Variants in CHRAC1 observed in about 807,000 individuals in gnomAD.
CHRAC1 encodes the protein chromatin accessibility complex protein 1.
Under a neutral mutation model 9.1 loss-of-function variants are expected in CHRAC1, and 6 were observed. The observed-to-expected ratio is 0.66, with a 90% confidence interval of 0.36 to 1.29. The LOEUF (loss-of-function observed/expected upper bound fraction) is 1.29, where lower values mean the gene tolerates loss of function less well. CHRAC1 is among the 50% of genes most tolerant of loss of function. The pLI is 0.03. For missense variants in CHRAC1, 168 were observed against 163.5 expected, an observed-to-expected ratio of 1.03 and a Z score of -0.15; for synonymous variants, 73 against 64.5, an observed-to-expected ratio of 1.13 and a Z score of -0.63.
intron 1 of CHRAC1, chr8:140,512,160 C>A (rs945448690): frequency 8.5e-6 from 4 of 472,798 alleles, no homozygotes; most frequent in African/African-American, 6.2e-5. Flanking sequence ...CATTTGGGTT[C>A]TTTGGGGGCT....
At position 140,515,193 on chromosome 8, in the gene CHRAC1, A is replaced by C. The variant is rs144898774; in HGVS notation, c.342A>C (p.Glu114Asp). The change falls in exon 3 of 3, where the codon GAA becomes GAC. Residue 114 changes from glutamate to aspartate, a missense_variant. Glu to Asp is a conservative substitution (Grantham distance 45). Coordinates refer to ENST00000220913, the MANE Select transcript of CHRAC1 (RefSeq NM_017444.6). ...LKMLKEEKRE[E>D]DEENDNDNES... The stretch of plus-strand genomic sequence containing the variant: ...TGCTTAAAGAGGAAAAGAGGGAAGA[A>C]GATGAGGAGAATGACAATGATAATG... The C allele has an allele frequency of 4.6e-4, 748 of 1,613,802 alleles. No individual in the cohort carries two copies. Among genetic ancestry groups the C allele is most frequent in the Non-Finnish European group, 5.8e-4 (682 of 1,179,764 alleles).
intron 1 of CHRAC1, among the ~76,000 whole-genome samples, chr8:140,513,411 T>C (rs1241137381): frequency 1.3e-5 from 2 of 152,212 alleles, no homozygotes; most frequent in African/African-American, 4.8e-5. Context: ...ATAGAATTTT[T>C]GAATGGCTTT....
Position 140,511,365 on chromosome 8 carries a change from G to A in CHRAC1, c.-135G>A. The stretch of plus-strand genomic sequence containing the variant: ...TCCCGGACGGGCCGCTCCCGGCCTC[G>A]CGGCCTCGCCTCCCCACACTACAAC... On this transcript the variant is annotated 5_prime_UTR_variant, in exon 1 of 3. Transcript: ENST00000220913. The A allele has an allele frequency of 1.3e-6, 1 of 765,894 alleles. No homozygotes were observed. Among genetic ancestry groups the A allele is most frequent in the East Asian group, 3.5e-5 (1 of 28,674 alleles). 47.4% of individuals were successfully genotyped at this position (765,894 alleles called of 1,614,324 possible).
At chr8:140,514,302 T>A in intron 1 of CHRAC1, 67 bp from the exon 2 acceptor site, 3 of 1,512,236 alleles carry the variant, frequency 2.0e-6, no homozygotes, top group Non-Finnish European at 2.7e-6. Context: ...AATGTAATTT[T>A]AAAAATTAAT....
intron 1 of CHRAC1, 125 bp from the exon 2 acceptor site, chr8:140,514,244 G>C: frequency 1.9e-6 from 2 of 1,059,960 alleles, no homozygotes; most frequent in South Asian, 3.3e-5. Flanking sequence ...GAGAAACCAA[G>C]AGAATCTGAA....
In CHRAC1 at chr8:140,511,492, GC is replaced by G; in HGVS notation, c.-7del. On this transcript the variant is annotated 5_prime_UTR_variant, in exon 1 of 3. Transcript: ENST00000220913. ...CCGGCTGCGGGCACCCGCGCGACGG[GC>G]GGGAAGATGGCGGACGTGGTCGTGG... 1 of 1,321,442 alleles carries G rather than the reference GC, an allele frequency of 7.6e-7. No individual in the cohort carries two copies. The highest frequency in any genetic ancestry group is 2.1e-5 in the South Asian group (1 of 48,744). The allele number at this position is 1,321,442 out of a possible 1,614,324, so 81.9% of individuals were successfully genotyped here. A position where few individuals can be genotyped will look rare whatever the true frequency, so the allele number is the denominator to read the frequency against.
At chr8:140,511,921 G>C (rs1342433187) in intron 1 of CHRAC1, 59 of 1,173,232 alleles carry the variant, frequency 5.0e-5, no homozygotes, top group Non-Finnish European at 6.5e-5. Context: ...CCCGCCCTTT[G>C]TCGCCTTCCT....
intron 1 of CHRAC1, among the ~76,000 whole-genome samples, chr8:140,513,308 G>A (rs2072299558): frequency 6.6e-6 from 1 of 152,210 alleles, no homozygotes; most frequent in South Asian, 2.1e-4. Context: ...AAAAGTTTTG[G>A]CAAAATGTAA....
Sources: gnomAD v4.1 joint callset for allele counts (sites outside exome capture counted in the v4.1 genomes callset) on GRCh38, gnomAD v4.1.1 for gene constraint, MANE v1.5 for transcripts, NCBI Gene and HGNC (gene_info 2026-07-23, HGNC 2026-07-21) for gene names.